The following USP34 variants were observed in gnomAD, a reference collection of about 807,000 sequenced individuals.
USP34 encodes ubiquitin specific peptidase 34.
Under a neutral mutation model 460.3 loss-of-function variants are expected in USP34, and 70 were observed. That is an observed-to-expected ratio of 0.15 (90% CI 0.13 to 0.19). The LOEUF is 0.19. Among genes scored for constraint, USP34 ranks in the 10% least tolerant of loss-of-function variants. USP34 has a pLI of 1.00. For missense variants in USP34, 3,985 were observed against 4,236.2 expected (o/e 0.94, Z 1.65); for synonymous variants, 1,647 against 1,405.3 (o/e 1.17, Z -3.85).
At position 61,314,923 on chromosome 2, in the gene USP34, C is replaced by T; in HGVS notation, c.3334G>A (p.Asp1112Asn). 1 of 1,613,864 alleles carries T rather than the reference C, an allele frequency of 6.2e-7. No homozygotes were observed. Among genetic ancestry groups the T allele is most frequent in the Non-Finnish European group, 8.5e-7 (1 of 1,179,898 alleles). Residue 1112 changes from aspartate (D) to asparagine (N), a missense_variant, in exon 24 of 80, where the codon GAT becomes AAT. Asp to Asn is a conservative substitution (Grantham distance 23). This residue lies in a region of USP34 where 1,114 missense variants were observed against 1,122.5 expected (regional missense o/e 0.99). Coordinates refer to ENST00000398571, the MANE Select transcript of USP34 (RefSeq NM_014709.4). ...WGIALRAQSG[D>N]VSRAAIQYIN... Reference sequence around the variant, plus strand: ...TACTGGATAGCTGCTCGACTGACATCACCAGATTGTGCTCTTAAAGCAATG... The same window carrying T: ...TACTGGATAGCTGCTCGACTGACATTACCAGATTGTGCTCTTAAAGCAATG...
chr2:61,313,252 A>T (rs1215972813), intron 25 of USP34, among the ~76,000 whole-genome samples: 3 of 152,128 alleles, frequency 2.0e-5, no homozygotes, highest in Non-Finnish European at 4.4e-5. Flanking sequence ...TTTTCACAAC[A>T]GAAAAAAATT....
intron 15 of USP34, among the ~76,000 whole-genome samples, chr2:61,345,496 T>C (rs994088398): frequency 3.3e-5 from 5 of 152,194 alleles, no homozygotes; most frequent in African/African-American, 9.7e-5. Context: ...ATACCCATGA[T>C]TCACCATAAA....
intron 27 of USP34, among the ~76,000 whole-genome samples, chr2:61,310,245 T>C (rs1054783095): frequency 5.3e-5 from 8 of 152,180 alleles, no homozygotes; most frequent in Non-Finnish European, 1.2e-4. Context: ...AGAAATTCCA[T>C]AATGAGGTAT....
At chr2:61,432,109 G>C (rs903810838) in intron 1 of USP34, among the ~76,000 whole-genome samples, 1 of 151,872 alleles carries the variant, frequency 6.6e-6, no homozygotes, top group Non-Finnish European at 1.5e-5. Flanking sequence ...GGGAGGCCAA[G>C]GCAAGATTTG....
chr2:61,190,730 CAG>C, intron 76 of USP34, 72 bp from the exon 77 acceptor site: 1 of 1,523,500 alleles, frequency 6.6e-7, no homozygotes. Flanking sequence ...AAAACTTACA[CAG>C]AAAAAACATA....
At chr2:61,347,580 T>C (rs1272511974) in intron 15 of USP34, among the ~76,000 whole-genome samples, 3 of 152,036 alleles carry the variant, frequency 2.0e-5, no homozygotes, top group East Asian at 3.9e-4. Context: ...CACCATGTTG[T>C]TCAGGCTGGT....
At chr2:61,281,017 A>G (rs1298192626) in intron 38 of USP34, 73 bp downstream of exon 38, 3 of 1,478,686 alleles carry the variant, frequency 2.0e-6, no homozygotes, top group African/African-American at 2.8e-5. Flanking sequence ...TTTTAAGGAT[A>G]TATTACAACG....
Position 61,241,786 on chromosome 2 carries a change from T to C in USP34, c.6661A>G (p.Met2221Val). Residue 2221 changes from methionine to valine, a missense_variant, in exon 52 of 80, where the codon ATG (methionine) becomes GTG (valine). Transcript: ENST00000398571. ...GTTACCTTTTCAAAAGAGAAGTCCA[T>C]AAATTTATCTGTAACAGAATCATAG... The part of the protein sequence containing the change: ...KTYDSVTDKF[M>V]DFSFEKTHSA... 6.5e-7 allele frequency: 1 copy of C among 1,539,044 alleles called. No homozygotes were observed. The highest frequency in any genetic ancestry group is 8.8e-7 in the Non-Finnish European group (1 of 1,140,172).
chr2:61,259,001 T>G (rs527947762), intron 44 of USP34, among the ~76,000 whole-genome samples: 1 of 152,150 alleles, frequency 6.6e-6, no homozygotes, highest in African/African-American at 2.4e-5. Context: ...GGCTCACACC[T>G]GTAATCCCAA....
intron 34 of USP34, among the ~76,000 whole-genome samples, chr2:61,286,106 T>C (rs917029066): frequency 1.9e-4 from 29 of 152,308 alleles, no homozygotes; most frequent in Admixed American, 2.6e-4. Flanking sequence ...AATTGATGTT[T>C]AGGCTAAATT....
intron 69 of USP34, 59 bp from the exon 70 acceptor site, chr2:61,209,036 G>A: frequency 9.5e-7 from 1 of 1,051,490 alleles, no homozygotes; most frequent in Non-Finnish European, 1.3e-6. Context: ...ACACTTAGGT[G>A]ATGAAAAAAT....
chr2:61,331,488 CG>C (rs1490507954), intron 19 of USP34, 117 bp from the exon 20 acceptor site: 2 of 678,352 alleles, frequency 2.9e-6, no homozygotes, highest in Non-Finnish European at 4.4e-6. Context: ...ATTTTAGTTA[CG>C]AAAAATATAC....
chr2:61,289,133 T>C (rs1439867046), intron 33 of USP34, among the ~76,000 whole-genome samples: 3 of 152,262 alleles, frequency 2.0e-5, no homozygotes, highest in African/African-American at 4.8e-5. Context: ...ATTTCTTTAA[T>C]GAAGGCAATA....
chr2:61,297,630 T>A (rs1472235653), intron 29 of USP34, among the ~76,000 whole-genome samples: 1 of 152,250 alleles, frequency 6.6e-6, no homozygotes, highest in Admixed American at 6.5e-5. Flanking sequence ...ACTGCTACTA[T>A]CACAGTGATT....
chr2:61,337,501 T>C (rs1691459971), intron 18 of USP34, among the ~76,000 whole-genome samples: 1 of 152,184 alleles, frequency 6.6e-6, no homozygotes, highest in Non-Finnish European at 1.5e-5. Context: ...TGCTCAGGGC[T>C]GGAGTGCAGT....
At chr2:61,454,522 AAAC>A (rs1406692136) in intron 1 of USP34, among the ~76,000 whole-genome samples, 5 of 152,096 alleles carry the variant, frequency 3.3e-5, no homozygotes, top group Admixed American at 2.6e-4. Context: ...GTACTTTCAT[AAAC>A]AACAGGTCCC....
At chr2:61,314,822 C>T (rs1241601459) in intron 24 of USP34, 53 bp downstream of exon 24, 3 of 1,592,738 alleles carry the variant, frequency 1.9e-6, no homozygotes, top group East Asian at 4.5e-5. Flanking sequence ...TTTAGTTTCA[C>T]AAAACACCCT....
chr2:61,430,241 A>G (rs1023086898), intron 1 of USP34, among the ~76,000 whole-genome samples: 2 of 151,408 alleles, frequency 1.3e-5, no homozygotes, highest in African/African-American at 4.9e-5. Context: ...GAAAAGAAAA[A>G]AAAAATACAA....
chr2:61,335,207 G>A (rs933781893), intron 18 of USP34, among the ~76,000 whole-genome samples: 5 of 152,054 alleles, frequency 3.3e-5, no homozygotes, highest in Admixed American at 2.0e-4. Flanking sequence ...TATAAAACTC[G>A]TTCCAATAAA....
Sources: allele counts gnomAD v4.1 joint callset (sites outside exome capture counted in the v4.1 genomes callset), GRCh38; gene constraint gnomAD v4.1.1; regional missense constraint gnomAD v4.1.1; transcripts MANE v1.5; gene names NCBI Gene and HGNC (gene_info 2026-07-23, HGNC 2026-07-21).